FBLN7: variants seen among roughly 807,000 people sequenced by gnomAD.
FBLN7 encodes the protein fibulin-7.
FBLN7 carries 31 observed loss-of-function variants against 44.0 expected under a neutral mutation model. The ratio of observed to expected loss-of-function variants is 0.70; its 90% CI spans 0.53 to 0.95. The LOEUF (loss-of-function observed/expected upper bound fraction) is 0.95, where lower values mean the gene tolerates loss of function less well. FBLN7 is among the 40% of genes least tolerant of loss of function. The pLI is 0.00. For synonymous variants in FBLN7, 262 were observed against 253.4 expected, an observed-to-expected ratio of 1.03 and a Z score of -0.32; for missense variants, 573 against 618.5, an observed-to-expected ratio of 0.93 and a Z score of 0.78.
Position 112,185,186 on chromosome 2 carries a change from T to A in FBLN7, c.809-15T>A. 2 of 1,608,714 alleles carry A rather than the reference T, an allele frequency of 1.2e-6. No homozygotes were observed. The highest frequency in any genetic ancestry group is 1.7e-5 in the Admixed American group (1 of 59,914). Reference sequence around the variant, plus strand: ...GTCAGGGCGATTCTCACCTGTTGTATGTCCTGTATCTCAGATGTGGATGAA... The same window carrying A: ...GTCAGGGCGATTCTCACCTGTTGTAAGTCCTGTATCTCAGATGTGGATGAA... On this transcript the variant is annotated splice_polypyrimidine_tract_variant and intron_variant, in intron 6 of 7. Transcript: ENST00000331203.
At chr2:112,216,045 G>C in the FBLN7 span, 7 of 152,226 alleles carry the variant, frequency 4.6e-5, no homozygotes, top group African/African-American at 1.7e-4. Context: ...GTCATAAAGA[G>C]AACTAACTCT....
chr2:112,155,636 T>A (rs1681372605), intron 1 of FBLN7, among the ~76,000 whole-genome samples: 1 of 152,144 alleles, frequency 6.6e-6, no homozygotes. Flanking sequence ...GTCTTGAAGA[T>A]GTTTAAGGTT....
intron 2 of FBLN7, 22 bp downstream of exon 2, chr2:112,159,857 G>T (rs1057176616): frequency 1.7e-5 from 26 of 1,503,972 alleles, no homozygotes; most frequent in Middle Eastern, 2.3e-4. Flanking sequence ...CGTCGGCACC[G>T]CTGGGGCGGC....
rs75096402 is a variant in FBLN7, at chr2:112,187,777, G to A, written c.*271G>A. On this transcript the variant is annotated 3_prime_UTR_variant, in exon 8 of 8. Coordinates refer to ENST00000331203, the MANE Select transcript of FBLN7 (RefSeq NM_153214.3). The surrounding 1 kb of genome is among the most constrained non-coding windows in gnomAD (Gnocchi z 5.1). Reference sequence around the variant, plus strand: ...AACTTTCTTAAAACTTTTTCATCCAGGGGATGGGTGGCTTTCCAAAATGCT... The same window carrying A: ...AACTTTCTTAAAACTTTTTCATCCAAGGGATGGGTGGCTTTCCAAAATGCT... The A allele has an allele frequency of 6.8e-5, 35 of 518,446 alleles. No individual in the cohort carries two copies. The highest frequency in any genetic ancestry group is 1.1e-4 in the Non-Finnish European group (32 of 297,252). 32.1% of individuals were successfully genotyped at this position (518,446 alleles called of 1,614,324 possible).
chr2:112,222,710 T>TAA, the FBLN7 span, among the ~76,000 whole-genome samples: 3 of 152,174 alleles, frequency 2.0e-5, no homozygotes, highest in African/African-American at 7.2e-5. Context: ...ATGAGATATC[T>TAA]AAAGTAGTCA....
intron 2 of FBLN7, among the ~76,000 whole-genome samples, chr2:112,160,766 A>ACACACG (rs1558880196): frequency 3.3e-3 from 116 of 35,472 alleles, no homozygotes; most frequent in African/African-American, 0.015. Context: ...ACACGCACGC[A>ACACACG]CACGCAGACG....
At chr2:112,238,756 T>C in the FBLN7 span, among the ~76,000 whole-genome samples, 1 of 152,186 alleles carries the variant, frequency 6.6e-6, no homozygotes, top group Non-Finnish European at 1.5e-5. Context: ...CTATGACATA[T>C]CTATCCTTAA....
At chr2:112,226,679 T>C in the FBLN7 span, among the ~76,000 whole-genome samples, 5 of 140,386 alleles carry the variant, frequency 3.6e-5, no homozygotes, top group African/African-American at 1.4e-4. Context: ...TTCCAGAAAA[T>C]AGGGGAAGCT....
At chr2:112,199,930 G>A in the FBLN7 span, among the ~76,000 whole-genome samples, 2 of 152,124 alleles carry the variant, frequency 1.3e-5, no homozygotes, top group Admixed American at 6.5e-5. Flanking sequence ...CAGCAAGAAG[G>A]CCTCACAAGA....
At chr2:112,232,006 T>G in the FBLN7 span, 2 of 1,040,172 alleles carry the variant, frequency 1.9e-6, no homozygotes, top group African/African-American at 3.3e-5. Flanking sequence ...TGTTATTAAC[T>G]TAATGACTTT....
chr2:112,183,485 G>T (rs1166227109), intron 6 of FBLN7, among the ~76,000 whole-genome samples: 2 of 152,198 alleles, frequency 1.3e-5, no homozygotes, highest in Non-Finnish European at 2.9e-5. Context: ...GGCTTGTGAG[G>T]TACAGGAAGT....
intron 1 of FBLN7, among the ~76,000 whole-genome samples, chr2:112,156,974 G>A (rs1285556622): frequency 6.6e-6 from 1 of 152,164 alleles, no homozygotes; most frequent in Non-Finnish European, 1.5e-5. Context: ...CCCTGGCTGT[G>A]GGGGCCACAC....
the FBLN7 span, among the ~76,000 whole-genome samples, chr2:112,227,535 A>G: frequency 6.6e-6 from 1 of 152,232 alleles, no homozygotes; most frequent in African/African-American, 2.4e-5. Flanking sequence ...TCAAAAAACA[A>G]AGGAAGACAT....
the FBLN7 span, among the ~76,000 whole-genome samples, chr2:112,243,644 C>CTA: frequency 6.6e-6 from 1 of 152,124 alleles, no homozygotes; most frequent in Non-Finnish European, 1.5e-5. Context: ...GTACTGAAGT[C>CTA]TATCAGTCAA....
the FBLN7 span, chr2:112,238,465 C>T: frequency 5.0e-6 from 8 of 1,613,120 alleles, no homozygotes; most frequent in East Asian, 1.6e-4. Flanking sequence ...CTATATACAT[C>T]ATAGTCCTTA....
chr2:112,234,116 A>C, the FBLN7 span: 26 of 1,505,918 alleles, frequency 1.7e-5, no homozygotes, highest in Non-Finnish European at 2.3e-5. Flanking sequence ...ACACATTTTT[A>C]TACCTTAATA....
intron 2 of FBLN7, among the ~76,000 whole-genome samples, chr2:112,162,576 C>T (rs549793576): frequency 1.7e-4 from 26 of 152,316 alleles, no homozygotes; most frequent in African/African-American, 6.3e-4. Context: ...CAGGGAGCTT[C>T]GCTGTGGCTC....
chr2:112,161,832 T>C (rs1391712264), intron 2 of FBLN7, among the ~76,000 whole-genome samples: 1 of 152,262 alleles, frequency 6.6e-6, no homozygotes, highest in East Asian at 1.9e-4. Context: ...CATCATGTAT[T>C]GTATTTCTAA....
chr2:112,189,996 G>GC (rs1683433091), downstream of FBLN7: 1 of 152,098 alleles, frequency 6.6e-6, no homozygotes, highest in South Asian at 2.1e-4. Flanking sequence ...TGCATTTTAA[G>GC]CCTTTTTTTA....
Sources: allele counts gnomAD v4.1 joint callset (sites outside exome capture counted in the v4.1 genomes callset), GRCh38; gene constraint gnomAD v4.1.1; non-coding constraint Gnocchi (gnomAD v3.1); transcripts MANE v1.5; gene names NCBI Gene and HGNC (gene_info 2026-07-23, HGNC 2026-07-21).